Variants in RANBP9 observed in about 807,000 individuals in gnomAD.
RANBP9 encodes the protein RAN binding protein 9.
A neutral mutation model predicts 84.3 loss-of-function variants in RANBP9; 15 were observed. The observed-to-expected ratio is 0.18, with a 90% confidence interval of 0.12 to 0.27. The LOEUF (loss-of-function observed/expected upper bound fraction) is 0.27. RANBP9 is among the 10% of genes least tolerant of loss of function. RANBP9 has a pLI of 1.00. For missense variants in RANBP9, 809 were observed against 912.8 expected, an observed-to-expected ratio of 0.89 and a Z score of 1.46; for synonymous variants, 392 against 349.6, an observed-to-expected ratio of 1.12 and a Z score of -1.35.
Position 13,659,292 on chromosome 6 carries a change from ACACG to A in RANBP9, c.684-464_684-461del, listed in dbSNP as rs1371316304. On this transcript the variant is annotated intron_variant, in intron 2 of 13. Coordinates refer to ENST00000011619, the MANE Select transcript of RANBP9 (RefSeq NM_005493.3). Reference sequence around the variant, plus strand: ...CACACACACACACACACACACACACACACGGAAATATGGATTCATATTTGGAAAA... The same window carrying A: ...CACACACACACACACACACACACACAGAAATATGGATTCATATTTGGAAAA... Among the ~76,000 whole-genome samples the A allele has an allele frequency of 2.6e-4, 38 of 148,346 alleles. No individual in the cohort carries two copies. In the South Asian group the frequency reaches 7.3e-3, roughly 28 times the overall value.
chr6:13,658,643 C>G lies in RANBP9; in HGVS notation c.736+137G>C. ...AACAAAACAAAAAAACCCCACTCAG[C>G]TTTCACTTAAAATTCATAATGATGA... On this transcript the variant is annotated intron_variant, in intron 3 of 13. Transcript: ENST00000011619. 2 of 789,294 alleles carry G rather than the reference C, an allele frequency of 2.5e-6. 1 individual carries two copies. Among genetic ancestry groups the G allele is most frequent in the South Asian group, 3.5e-5 (2 of 57,266 alleles). The allele number at this position is 789,294 out of a possible 1,614,324, so 48.9% of individuals were successfully genotyped here.
Position 13,625,684 on chromosome 6 carries a change from A to C in RANBP9, c.2028T>G (p.Pro676=), listed in dbSNP as rs3734673. 4.3e-6 allele frequency: 7 copies of C among 1,612,418 alleles called. No individual in the cohort carries two copies. Among genetic ancestry groups the C allele is most frequent in the Admixed American group, 1.7e-5 (1 of 59,992 alleles). Residue 676 remains proline (P), a synonymous_variant, in exon 13 of 14, where the codon CCT becomes CCG. Coordinates refer to ENST00000011619, the MANE Select transcript of RANBP9 (RefSeq NM_005493.3). The part of the protein sequence containing the change: ...GNQLDPIQRE[P]VCSALNSAIL... ...TTGCACTGTTAAGAGCTGAGCACAC[A>C]GGTTCTCTCTGAATCGGGTCAAGCT...
chr6:13,663,184 G>A (rs1452800043), intron 2 of RANBP9, among the ~76,000 whole-genome samples: 4 of 151,842 alleles, frequency 2.6e-5, no homozygotes, highest in Admixed American at 1.3e-4. Context: ...AGAGAAAAAC[G>A]ACATATTACT....
At chr6:13,634,674 C>CA (rs1249597201) in intron 10 of RANBP9, 122 bp from the exon 11 acceptor site, 5 of 955,744 alleles carry the variant, frequency 5.2e-6, no homozygotes, top group Admixed American at 3.2e-5. Context: ...CAGAAATCTG[C>CA]AAAAAAGGTA....
intron 2 of RANBP9, among the ~76,000 whole-genome samples, chr6:13,685,586 A>C (rs987873181): frequency 3.3e-5 from 5 of 152,066 alleles, no homozygotes; most frequent in African/African-American, 1.2e-4. Context: ...CTGTCTCCCC[A>C]AAAATACTAA....
chr6:13,706,728 G>A (rs1026580891), intron 1 of RANBP9, among the ~76,000 whole-genome samples: 17 of 149,206 alleles, frequency 1.1e-4, no homozygotes, highest in African/African-American at 4.2e-4. Context: ...CAGGCCAGGC[G>A]CAGTGGCTCA....
intron 2 of RANBP9, among the ~76,000 whole-genome samples, chr6:13,662,458 T>C (rs1765555267): frequency 6.6e-6 from 1 of 152,146 alleles, no homozygotes; most frequent in African/African-American, 2.4e-5. Flanking sequence ...ATGGTCTGAA[T>C]GCGTGTGTCC....
At chr6:13,693,231 T>C (rs1766368271) in intron 2 of RANBP9, among the ~76,000 whole-genome samples, 1 of 152,166 alleles carries the variant, frequency 6.6e-6, no homozygotes, top group South Asian at 2.1e-4. Context: ...GAACTAGAAA[T>C]ATAAGCCAGC....
chr6:13,646,493 A>G (rs1765176710), intron 5 of RANBP9, among the ~76,000 whole-genome samples: 1 of 152,218 alleles, frequency 6.6e-6, no homozygotes, highest in Non-Finnish European at 1.5e-5. Flanking sequence ...ACAAAAGCAT[A>G]TAAGCCAAAC....
At position 13,622,453 on chromosome 6, in the gene RANBP9, G is replaced by A. The variant is rs768328303; in HGVS notation, c.2099C>T (p.Ala700Val). ...NLPKQPPLAL[A>V]MGQATQCLGL... ...TAGACATTGTGTGGCCTGTCCCATT[G>A]CTAGGGCAAGTGGAGGTTGCTTTGG... is the stretch of plus-strand genomic sequence containing the variant. The change falls in exon 14 of 14, where the codon GCA (alanine) becomes GTA (valine). Residue 700 changes from alanine to valine, a missense_variant. Coordinates refer to ENST00000011619, the MANE Select transcript of RANBP9 (RefSeq NM_005493.3). The A allele has an allele frequency of 6.3e-7, 1 of 1,599,544 alleles. No homozygotes were observed. The highest frequency in any genetic ancestry group is 8.5e-7 in the Non-Finnish European group (1 of 1,173,572).
At position 13,632,411 on chromosome 6, in the gene RANBP9, T is replaced by C. The variant is rs1764814988; in HGVS notation, c.1906A>G (p.Arg636Gly). 6.2e-7 allele frequency: 1 copy of C among 1,614,040 alleles called. No homozygotes were observed. The highest frequency in any genetic ancestry group is 2.2e-5 in the East Asian group (1 of 44,880). ...ELQAMSEQLRRDCGKNTANKK... is the reference protein window; with the variant it reads ...ELQAMSEQLRGDCGKNTANKK... The stretch of plus-strand genomic sequence containing the variant: ...TTTGCAGTGTTCTTGCCACAGTCTC[T>C]CCTTAGCTGTTCACTCATTGCTTGC... Residue 636 changes from arginine to glycine, a missense_variant, in exon 12 of 14, where the codon AGA becomes GGA. Around this residue, in one of 5 missense-constraint regions of RANBP9, gnomAD observed 233 missense variants for 234.4 expected, o/e 0.99. Transcript: ENST00000011619.
chr6:13,637,879 T>C lies in RANBP9; in HGVS notation c.1602A>G (p.Ser534=). The C allele has an allele frequency of 6.2e-7, 1 of 1,608,750 alleles. No individual in the cohort carries two copies. Among genetic ancestry groups the C allele is most frequent in the Non-Finnish European group, 8.5e-7 (1 of 1,175,374 alleles). The stretch of plus-strand genomic sequence containing the variant: ...TTAGTTCTGGTACATTCAAGTTGGA[T>C]GACTGGTGTTTATTACTATGGCAAT... The part of the protein sequence containing the change: ...QSYCHSNKHQ[S]SNLNVPELNS... The change falls in exon 10 of 14, where the codon TCA becomes TCG. Residue 534 remains serine, a synonymous_variant. Transcript: ENST00000011619.
At chr6:13,670,021 G>A (rs1333817796) in intron 2 of RANBP9, among the ~76,000 whole-genome samples, 3 of 152,046 alleles carry the variant, frequency 2.0e-5, no homozygotes, top group Non-Finnish European at 4.4e-5. Flanking sequence ...CGGGCACAGT[G>A]GCTCAAGTCT....
At chr6:13,690,108 T>C (rs1766289235) in intron 2 of RANBP9, among the ~76,000 whole-genome samples, 1 of 152,178 alleles carries the variant, frequency 6.6e-6, no homozygotes, top group Admixed American at 6.5e-5. Context: ...TTAAGTGACA[T>C]ATGACTACAC....
intron 11 of RANBP9, 121 bp from the exon 12 acceptor site, chr6:13,632,642 A>C: frequency 1.1e-6 from 1 of 935,386 alleles, no homozygotes; most frequent in Non-Finnish European, 1.6e-6. Context: ...TTTCATCTAA[A>C]TATGCAGATT....
At chr6:13,653,055 C>T (rs1182620432) in intron 4 of RANBP9, among the ~76,000 whole-genome samples, 5 of 152,112 alleles carry the variant, frequency 3.3e-5, no homozygotes, top group Admixed American at 6.5e-5. Context: ...TGTACCCTCA[C>T]CGTTTAATAA....
At chr6:13,670,349 T>A (rs1442252565) in intron 2 of RANBP9, among the ~76,000 whole-genome samples, 2 of 152,086 alleles carry the variant, frequency 1.3e-5, no homozygotes, top group African/African-American at 4.8e-5. Context: ...TCACACCATA[T>A]ATAAAAATTA....
chr6:13,632,497 C>T lies in RANBP9; in HGVS notation c.1820G>A (p.Arg607His), dbSNP rs1289302000. The T allele has an allele frequency of 1.2e-6, 2 of 1,613,532 alleles. No individual in the cohort carries two copies. Among genetic ancestry groups the T allele is most frequent in the Non-Finnish European group, 8.5e-7 (1 of 1,179,588 alleles). ...GGCCTGACTTCCTCCACACAACTGG[C>T]GTCTCAACTGACTTGAATCAACTTC... ...EMEVDSSQLR[R>H]QLCGGSQAAI... is the part of the protein sequence containing the mutation. The change falls in exon 12 of 14, where the codon CGC (arginine) becomes CAC (histidine). Residue 607 changes from arginine (R) to histidine (H), a missense_variant. Arg to His is a conservative substitution (Grantham distance 29, BLOSUM62 0). Transcript: ENST00000011619.
chr6:13,638,027 AT>A, intron 9 of RANBP9, 72 bp from the exon 10 acceptor site: 1 of 1,390,612 alleles, frequency 7.2e-7, no homozygotes, highest in Non-Finnish European at 9.6e-7. Context: ...ACAAGTCTCC[AT>A]GTTGATTTTG....
Sources: gnomAD v4.1 joint callset for allele counts (sites outside exome capture counted in the v4.1 genomes callset) on GRCh38, gnomAD v4.1.1 for gene constraint, gnomAD v4.1.1 regional missense constraint, MANE v1.5 for transcripts, NCBI Gene and HGNC (gene_info 2026-07-23, HGNC 2026-07-21) for gene names.